IL6R: variants seen among roughly 807,000 people sequenced by gnomAD.
IL6R encodes the protein interleukin-6 receptor subunit alpha.
Under a neutral mutation model 48.3 loss-of-function variants are expected in IL6R, and 38 were observed. That is an observed-to-expected ratio of 0.79 (90% CI 0.61 to 1.03). IL6R has a LOEUF of 1.03. Among genes scored for constraint, IL6R ranks in the 50% least tolerant of loss-of-function variants. The pLI is 0.00. For missense variants in IL6R, 534 were observed against 618.3 expected, an observed-to-expected ratio of 0.86 and a Z score of 1.45; for synonymous variants, 264 against 256.2, an observed-to-expected ratio of 1.03 and a Z score of -0.29.
chr1:154,446,769 G>A (rs1342309166), intron 6 of IL6R, among the ~76,000 whole-genome samples: 1 of 152,124 alleles, frequency 6.6e-6, no homozygotes, highest in African/African-American at 2.4e-5. Context: ...GCAAAAAGGT[G>A]CATAGAAGGA....
chr1:154,418,402 A>G (rs1267384395), intron 1 of IL6R: 1 of 984,800 alleles, frequency 1.0e-6, no homozygotes, highest in Non-Finnish European at 1.2e-6. Flanking sequence ...TGTACAGTCC[A>G]TCGTGTGGAT....
At chr1:154,408,823 C>T (rs1477953961) in intron 1 of IL6R, among the ~76,000 whole-genome samples, 3 of 152,034 alleles carry the variant, frequency 2.0e-5, no homozygotes, top group Admixed American at 1.3e-4. Context: ...CTCTGTAATA[C>T]GGTAGCCACT....
chr1:154,464,417 T>G (rs987458570), intron 9 of IL6R, among the ~76,000 whole-genome samples: 4 of 151,800 alleles, frequency 2.6e-5, no homozygotes, highest in Non-Finnish European at 5.9e-5. Flanking sequence ...GGCCTCCCAA[T>G]GTGTGGGGAT....
intron 9 of IL6R, among the ~76,000 whole-genome samples, chr1:154,456,880 G>C (rs1690917166): frequency 6.6e-6 from 1 of 152,120 alleles, no homozygotes; most frequent in Non-Finnish European, 1.5e-5. Context: ...TTGGGAAAGG[G>C]GCTGAGAGGA....
chr1:154,448,134 G>T lies in IL6R; in HGVS notation c.959G>T (p.Ser320Ile). 1.2e-6 allele frequency: 2 copies of T among 1,613,844 alleles called. No individual in the cohort carries two copies. Among genetic ancestry groups the T allele is most frequent in the Non-Finnish European group, 1.7e-6 (2 of 1,179,782 alleles). The change falls in exon 7 of 10, where the codon AGT becomes ATT. Residue 320 changes from serine to isoleucine, a missense_variant. Physicochemically the swap from Ser to Ile is moderately radical, Grantham distance 142. Coordinates refer to ENST00000368485, the MANE Select transcript of IL6R (RefSeq NM_000565.4). ...TTTCTTCTGTCCGCAGAATCCAGGA[G>T]TCCTCCAGCTGAGAACGAGGTGTCC... ...AMGTPWTESRSPPAENEVSTP... is the reference protein window; with the variant it reads ...AMGTPWTESRIPPAENEVSTP...
In IL6R at chr1:154,449,920, A is replaced by G; in HGVS notation, c.1006A>G (p.Thr336Ala). Residue 336 changes from threonine (T) to alanine (A), a missense_variant, in exon 8 of 10, where the codon ACT (threonine) becomes GCT (alanine). Transcript: ENST00000368485. The stretch of plus-strand genomic sequence containing the variant: ...GGAATGTCTCTTTTAGGCACTTACT[A>G]CTAATAAAGACGATGATAATATTCT... ...EVSTPMQALT[T>A]NKDDDNILFR... The G allele has an allele frequency of 6.2e-7, 1 of 1,604,698 alleles. No individual in the cohort carries two copies. Among genetic ancestry groups the G allele is most frequent in the Non-Finnish European group, 8.5e-7 (1 of 1,171,444 alleles).
intron 1 of IL6R, among the ~76,000 whole-genome samples, chr1:154,408,279 C>T (rs1461432742): frequency 1.3e-5 from 2 of 152,196 alleles, no homozygotes; most frequent in Non-Finnish European, 2.9e-5. Context: ...CCTCCCGCTT[C>T]GGGCTCTCTG....
Position 154,435,146 on chromosome 1 carries a change from C to T in IL6R, c.797C>T (p.Thr266Ile). The T allele has an allele frequency of 6.2e-7, 1 of 1,614,012 alleles. No homozygotes were observed. Among genetic ancestry groups the T allele is most frequent in the Non-Finnish European group, 8.5e-7 (1 of 1,179,892 alleles). The change falls in exon 5 of 10, where the codon ACA (threonine) becomes ATA (isoleucine). Residue 266 changes from threonine (T) to isoleucine (I), a missense_variant. Physicochemically the swap from Thr to Ile is moderately conservative, Grantham distance 89. Coordinates refer to ENST00000368485, the MANE Select transcript of IL6R (RefSeq NM_000565.4). ...RYRAERSKTF[T>I]TWMVKDLQHH... ...CGGGCTGAACGGTCAAAGACATTCACAACATGGATGGTAAATTTATGTTTT... is the reference window on the plus strand; with the variant it reads ...CGGGCTGAACGGTCAAAGACATTCATAACATGGATGGTAAATTTATGTTTT...
intron 1 of IL6R, among the ~76,000 whole-genome samples, chr1:154,416,436 C>T (rs1429157399): frequency 6.6e-6 from 1 of 151,978 alleles, no homozygotes; most frequent in Non-Finnish European, 1.5e-5. Flanking sequence ...TGAGCCACTG[C>T]ACCTGGCCAA....
chr1:154,436,503 A>G (rs1047864908), intron 6 of IL6R, among the ~76,000 whole-genome samples: 2 of 152,224 alleles, frequency 1.3e-5, no homozygotes, highest in African/African-American at 4.8e-5. Flanking sequence ...GTGGCTTAAA[A>G]ACGACCATCA....
intron 1 of IL6R, chr1:154,414,584 CT>C: frequency 1.3e-6 from 1 of 750,738 alleles, no homozygotes; most frequent in Non-Finnish European, 2.4e-6. Context: ...TTCTCATAGG[CT>C]TTCTTGATGC....
In IL6R at chr1:154,438,191, AAAC is replaced by A. The variant is rs1424889179; in HGVS notation, c.949+2087_949+2089del. Among the ~76,000 whole-genome samples the A allele has an allele frequency of 5.3e-5, 8 of 151,472 alleles. No homozygotes were observed. In the East Asian group the frequency reaches 1.6e-3, roughly 29 times the overall value. On this transcript the variant is annotated intron_variant, in intron 6 of 9. Transcript: ENST00000368485. The stretch of plus-strand genomic sequence containing the variant: ...CTCTGTTGGTGCCCTCCTTAACTCT[AAAC>A]AACAAGCTTATATGGCTTTTTTTTT...
rs1043902773 is a variant in IL6R at position 154,434,574 on chromosome 1, C to T, written c.514C>T (p.Gln172Ter). ...GCCGTGCCAGTATTCCCAGGAGTCC[C>T]AGAAGTTCTCCTGCCAGTTAGCAGT... Reference protein sequence around the residue: ...QEPCQYSQESQKFSCQLAVPE... With the variant: ...QEPCQYSQES Residue 172 changes from glutamine (Q) to a stop codon, truncating the protein, a stop_gained, in exon 4 of 10, where the codon CAG (glutamine) becomes TAG (stop). Coordinates refer to ENST00000368485, the MANE Select transcript of IL6R (RefSeq NM_000565.4). LOFTEE classifies it high-confidence loss of function. 5 of 1,613,948 alleles carry T rather than the reference C, an allele frequency of 3.1e-6. No homozygotes were observed. The highest frequency in any genetic ancestry group is 3.3e-5 in the Admixed American group (2 of 59,994).
At chr1:154,414,083 C>T (rs1190535945) in intron 1 of IL6R, among the ~76,000 whole-genome samples, 2 of 152,102 alleles carry the variant, frequency 1.3e-5, no homozygotes, top group Non-Finnish European at 2.9e-5. Context: ...GTCTCAAACT[C>T]TGGGTTCAAG....
chr1:154,439,033 A>G (rs982467707), intron 6 of IL6R, among the ~76,000 whole-genome samples: 7 of 152,076 alleles, frequency 4.6e-5, no homozygotes, highest in South Asian at 2.1e-4. Context: ...TGATTTGTGT[A>G]TACTTTGAGC....
At chr1:154,444,106 C>T (rs564776385) in intron 6 of IL6R, among the ~76,000 whole-genome samples, 5 of 152,158 alleles carry the variant, frequency 3.3e-5, no homozygotes, top group East Asian at 1.9e-4. Context: ...ATTGCCTATC[C>T]GCCTGACATC....
At chr1:154,435,268 G>C in intron 5 of IL6R, 112 bp downstream of exon 5, 1 of 980,390 alleles carries the variant, frequency 1.0e-6, no homozygotes, top group Non-Finnish European at 1.5e-6. Flanking sequence ...CCGGCCCTTT[G>C]GGAGGCCAAG....
At chr1:154,429,924 T>A (rs1050738882) in intron 2 of IL6R, among the ~76,000 whole-genome samples, 12 of 152,164 alleles carry the variant, frequency 7.9e-5, no homozygotes, top group Non-Finnish European at 1.5e-4. Flanking sequence ...TAGCTATTCT[T>A]ATTTTTTTAG....
intron 1 of IL6R, among the ~76,000 whole-genome samples, chr1:154,426,779 A>G (rs202011085): frequency 6.6e-6 from 1 of 152,280 alleles, no homozygotes; most frequent in East Asian, 1.9e-4. Context: ...CAATGTTCGC[A>G]ATGCTAAAAA....
Sources: allele counts gnomAD v4.1 joint callset (sites outside exome capture counted in the v4.1 genomes callset), GRCh38; gene constraint gnomAD v4.1.1; transcripts MANE v1.5; gene names NCBI Gene and HGNC (gene_info 2026-07-23, HGNC 2026-07-21).